Variants in GLRA3 observed in about 807,000 individuals in gnomAD.
GLRA3 encodes glycine receptor alpha 3.
In GLRA3, 44 loss-of-function variants were observed where a neutral mutation model predicts 60.4. The observed-to-expected ratio is 0.73, with a 90% confidence interval of 0.57 to 0.94. The LOEUF is 0.94. Ranked by LOEUF, GLRA3 falls within the 40% of genes least tolerant of loss-of-function variation. The pLI is 0.00. For synonymous variants in GLRA3, 223 were observed against 192.9 expected (o/e 1.16, Z -1.29); for missense variants, 508 against 564.6 (o/e 0.90, Z 1.02).
chr4:174,690,831 T>C (rs1250880274), intron 5 of GLRA3, among the ~76,000 whole-genome samples: 1 of 152,216 alleles, frequency 6.6e-6, no homozygotes, highest in Non-Finnish European at 1.5e-5. Flanking sequence ...TCCCACAAAA[T>C]ACATGACCTT....
At chr4:174,770,713 C>T (rs578143121) in intron 2 of GLRA3, among the ~76,000 whole-genome samples, 20 of 151,958 alleles carry the variant, frequency 1.3e-4, no homozygotes, top group African/African-American at 2.9e-4. Flanking sequence ...ATCCTAGGGG[C>T]GCTGTATTTA....
chr4:174,752,911 A>G (rs1411461469), intron 3 of GLRA3, among the ~76,000 whole-genome samples: 1 of 152,148 alleles, frequency 6.6e-6, no homozygotes, highest in African/African-American at 2.4e-5. Context: ...ATTTTTGAAA[A>G]GATGCTGCAG....
At chr4:174,725,151 T>C (rs1338329048) in intron 4 of GLRA3, among the ~76,000 whole-genome samples, 1 of 152,220 alleles carries the variant, frequency 6.6e-6, no homozygotes, top group African/African-American at 2.4e-5. Context: ...GTTAGATCAT[T>C]TGTTGTAATC....
chr4:174,721,815 ATG>A (rs1736141252), intron 4 of GLRA3, among the ~76,000 whole-genome samples: 2 of 149,862 alleles, frequency 1.3e-5, no homozygotes, highest in African/African-American at 4.9e-5. Context: ...ATGAAAAAAT[ATG>A]TGTGTGTATA....
At chr4:174,673,126 G>T (rs1441779972) in intron 7 of GLRA3, among the ~76,000 whole-genome samples, 1 of 151,844 alleles carries the variant, frequency 6.6e-6, no homozygotes, top group Non-Finnish European at 1.5e-5. Flanking sequence ...ATGAGGGTAG[G>T]TCTCTAATAG....
intron 9 of GLRA3, among the ~76,000 whole-genome samples, chr4:174,645,757 C>T (rs1387712160): frequency 6.6e-6 from 1 of 152,098 alleles, no homozygotes; most frequent in Admixed American, 6.5e-5. Context: ...AATTGAAAAT[C>T]GATTTTCCAC....
At chr4:174,655,764 G>A (rs1733171386) in intron 9 of GLRA3, among the ~76,000 whole-genome samples, 1 of 152,010 alleles carries the variant, frequency 6.6e-6, no homozygotes, top group Admixed American at 6.6e-5. Context: ...AGGGAGAAAT[G>A]GATGCTGGGA....
chr4:174,720,539 C>T (rs1305172321), intron 4 of GLRA3, among the ~76,000 whole-genome samples: 2 of 152,122 alleles, frequency 1.3e-5, no homozygotes, highest in South Asian at 2.1e-4. Context: ...AGCAGAGCCT[C>T]GATCTGGGCT....
At chr4:174,708,671 G>C (rs1735602427) in intron 5 of GLRA3, among the ~76,000 whole-genome samples, 1 of 144,694 alleles carries the variant, frequency 6.9e-6, no homozygotes, top group Non-Finnish European at 1.5e-5. Flanking sequence ...TTCCTCTTTA[G>C]ATATGAACTA....
intron 2 of GLRA3, among the ~76,000 whole-genome samples, chr4:174,775,407 GGA>G (rs1435833384): frequency 6.6e-6 from 1 of 151,918 alleles, no homozygotes; most frequent in Non-Finnish European, 1.5e-5. Context: ...TGTGATGAAG[GGA>G]GAAAAGGATT....
chr4:174,815,581 A>G (rs867474422), intron 1 of GLRA3, among the ~76,000 whole-genome samples: 1 of 152,170 alleles, frequency 6.6e-6, no homozygotes, highest in Admixed American at 6.5e-5. Context: ...CCCAAACATC[A>G]GTTCTTGACT....
chr4:174,716,271 C>T (rs1735915369), intron 4 of GLRA3, among the ~76,000 whole-genome samples: 1 of 152,144 alleles, frequency 6.6e-6, no homozygotes, highest in African/African-American at 2.4e-5. Context: ...TGATCTGATT[C>T]TATGCTCATC....
chr4:174,744,928 T>A (rs763974975), intron 3 of GLRA3, among the ~76,000 whole-genome samples: 1 of 152,128 alleles, frequency 6.6e-6, no homozygotes, highest in Admixed American at 6.5e-5. Context: ...AGGATATGAA[T>A]GAGAAATTTA....
At chr4:174,767,569 C>G (rs1027092679) in intron 2 of GLRA3, among the ~76,000 whole-genome samples, 5 of 151,942 alleles carry the variant, frequency 3.3e-5, no homozygotes, top group African/African-American at 9.7e-5. Flanking sequence ...TTTTCATTTC[C>G]CTAGAGTGCA....
intron 1 of GLRA3, among the ~76,000 whole-genome samples, chr4:174,820,870 T>C (rs1020679692): frequency 3.9e-5 from 6 of 152,056 alleles, no homozygotes. Context: ...ATTAGTAGTA[T>C]TTTACTTGTT....
chr4:174,725,538 T>C (rs567339829), intron 4 of GLRA3, among the ~76,000 whole-genome samples: 1 of 152,300 alleles, frequency 6.6e-6, no homozygotes, highest in Admixed American at 6.5e-5. Flanking sequence ...TGGAGTGCAG[T>C]GGTGCGATCT....
At chr4:174,749,113 C>A (rs78248202) in intron 3 of GLRA3, among the ~76,000 whole-genome samples, 41 of 152,016 alleles carry the variant, frequency 2.7e-4, no homozygotes, top group Non-Finnish European at 5.1e-4. Context: ...ATTATAATTG[C>A]GGCTCAGTGA....
chr4:174,728,814 T>C, intron 3 of GLRA3, 116 bp from the exon 4 acceptor site: 1 of 622,980 alleles, frequency 1.6e-6, no homozygotes, highest in South Asian at 2.1e-5. Context: ...TATACCCCTC[T>C]TGGGGACGGG....
chr4:174,683,970 T>C (rs1327727477), intron 5 of GLRA3, among the ~76,000 whole-genome samples: 2 of 152,198 alleles, frequency 1.3e-5, no homozygotes, highest in Non-Finnish European at 2.9e-5. Flanking sequence ...TATTGATATA[T>C]ATGGGCTTTT....
Sources: allele counts gnomAD v4.1 joint callset (sites outside exome capture counted in the v4.1 genomes callset), GRCh38; gene constraint gnomAD v4.1.1; transcripts MANE v1.5; gene names NCBI Gene and HGNC (gene_info 2026-07-23, HGNC 2026-07-21).